LIN52: variants seen among roughly 807,000 people sequenced by gnomAD.
LIN52 encodes protein lin-52 homolog.
Under a neutral mutation model 18.5 loss-of-function variants are expected in LIN52, and 4 were observed. The observed-to-expected ratio is 0.22, with a 90% CI of 0.11 to 0.49. The LOEUF is 0.49. Among genes scored for constraint, LIN52 ranks in the 20% least tolerant of loss-of-function variants. The pLI is 0.97. For missense variants in LIN52, 102 were observed against 139.5 expected, an observed-to-expected ratio of 0.73 and a Z score of 1.35; for synonymous variants, 34 against 45.5, an observed-to-expected ratio of 0.75 and a Z score of 1.02.
chr14:74,177,576 C>A (rs769586998), intron 5 of LIN52, among the ~76,000 whole-genome samples: 24 of 152,170 alleles, frequency 1.6e-4, no homozygotes, highest in Non-Finnish European at 2.9e-4. Flanking sequence ...TAAGCAAAAA[C>A]ACAGCCCTTT....
At chr14:74,152,901 A>G (rs138419496) in intron 5 of LIN52, among the ~76,000 whole-genome samples, 2,014 of 146,098 alleles carry the variant, frequency 0.014, 39 homozygotes, top group African/African-American at 0.049. Flanking sequence ...CAGAGGTTGC[A>G]GTGAGCTGAG....
At chr14:74,143,204 G>A (rs1277252750) in intron 5 of LIN52, among the ~76,000 whole-genome samples, 1 of 151,982 alleles carries the variant, frequency 6.6e-6, no homozygotes, top group Non-Finnish European at 1.5e-5. Context: ...TTCTTATTTT[G>A]TACACTATTT....
At chr14:74,092,780 G>C (rs1022290502) in intron 2 of LIN52, among the ~76,000 whole-genome samples, 2 of 151,588 alleles carry the variant, frequency 1.3e-5, no homozygotes, top group Non-Finnish European at 2.9e-5. Flanking sequence ...AACTGGCCGT[G>C]GTGGTGCACA....
chr14:74,102,854 G>A (rs960039635), intron 5 of LIN52, among the ~76,000 whole-genome samples: 1 of 152,158 alleles, frequency 6.6e-6, no homozygotes, highest in African/African-American at 2.4e-5. Flanking sequence ...ACTGAGAAAG[G>A]TAATGAAGTA....
At chr14:74,088,356 G>T (rs1056699772) in intron 1 of LIN52, among the ~76,000 whole-genome samples, 7 of 152,106 alleles carry the variant, frequency 4.6e-5, no homozygotes, top group Non-Finnish European at 7.4e-5. Flanking sequence ...CTCCCAAAGT[G>T]CTAGGATTAC....
chr14:74,162,939 T>C (rs971264325), intron 5 of LIN52, among the ~76,000 whole-genome samples: 1 of 152,200 alleles, frequency 6.6e-6, no homozygotes, highest in Non-Finnish European at 1.5e-5. Context: ...CTTCTGTATA[T>C]TACAGAATAG....
intron 5 of LIN52, among the ~76,000 whole-genome samples, chr14:74,129,923 C>CT (rs1270442977): frequency 6.6e-6 from 1 of 152,126 alleles, no homozygotes; most frequent in Non-Finnish European, 1.5e-5. Flanking sequence ...CTTACAGTTC[C>CT]ACATAGCTGG....
At chr14:74,188,433 G>C (rs1033584664) in intron 5 of LIN52, among the ~76,000 whole-genome samples, 2 of 151,834 alleles carry the variant, frequency 1.3e-5, no homozygotes, top group African/African-American at 4.9e-5. Context: ...TCATGAGGAA[G>C]ATTTGTATTT....
chr14:74,109,361 A>G (rs1466129261), intron 5 of LIN52, among the ~76,000 whole-genome samples: 2 of 152,210 alleles, frequency 1.3e-5, no homozygotes, highest in Admixed American at 1.3e-4. Context: ...ATGTGCACCC[A>G]TAGTCTCACC....
intron 3 of LIN52, 66 bp from the exon 4 acceptor site, chr14:74,097,728 T>C: frequency 1.6e-6 from 2 of 1,222,232 alleles, no homozygotes; most frequent in African/African-American, 1.5e-5. Flanking sequence ...GCTACACTTC[T>C]TATAAGAATA....
chr14:74,170,892 A>T (rs2061267210), intron 5 of LIN52, among the ~76,000 whole-genome samples: 1 of 151,542 alleles, frequency 6.6e-6, no homozygotes, highest in Non-Finnish European at 1.5e-5. Context: ...TTTTTAAGAC[A>T]TAAATGATCC....
chr14:74,181,613 T>C (rs2061319183), intron 5 of LIN52, among the ~76,000 whole-genome samples: 1 of 151,082 alleles, frequency 6.6e-6, no homozygotes. Context: ...TTACTATATG[T>C]TAACCATAAG....
chr14:74,186,119 T>G (rs1221430957), intron 5 of LIN52, among the ~76,000 whole-genome samples: 1 of 151,908 alleles, frequency 6.6e-6, no homozygotes, highest in Non-Finnish European at 1.5e-5. Flanking sequence ...TGAAACCCCA[T>G]CTCTACGAAA....
chr14:74,174,969 C>T (rs1488648056), intron 5 of LIN52, among the ~76,000 whole-genome samples: 1 of 150,956 alleles, frequency 6.6e-6, no homozygotes, highest in East Asian at 1.9e-4. Flanking sequence ...GAGCCATGAT[C>T]ACACCACTGC....
intron 5 of LIN52, among the ~76,000 whole-genome samples, chr14:74,166,062 T>A (rs952081794): frequency 3.5e-4 from 52 of 150,408 alleles, no homozygotes; most frequent in African/African-American, 1.3e-3. Flanking sequence ...CGGCTAATTT[T>A]GTATTTTTAC....
chr14:74,086,131 T>G (rs181541069), intron 1 of LIN52, among the ~76,000 whole-genome samples: 243 of 152,312 alleles, frequency 1.6e-3, no homozygotes, highest in African/African-American at 5.6e-3. Flanking sequence ...ATCTTCCTTG[T>G]CAGCATAGTT....
At chr14:74,186,610 G>A (rs913134192) in intron 5 of LIN52, among the ~76,000 whole-genome samples, 1 of 152,104 alleles carries the variant, frequency 6.6e-6, no homozygotes, top group Admixed American at 6.6e-5. Context: ...TCTCCAGGCT[G>A]GGCAACAGAG....
chr14:74,124,766 G>T (rs2061018611), intron 5 of LIN52, among the ~76,000 whole-genome samples: 1 of 134,930 alleles, frequency 7.4e-6, no homozygotes, highest in Non-Finnish European at 1.5e-5. Context: ...AGCCAAGATT[G>T]CACCACTGCA....
chr14:74,159,934 C>T (rs2061217199), intron 5 of LIN52, among the ~76,000 whole-genome samples: 1 of 152,116 alleles, frequency 6.6e-6, no homozygotes, highest in East Asian at 1.9e-4. Flanking sequence ...TCAACTTTGG[C>T]ACCATTATGA....
Sources: gnomAD v4.1 joint callset for allele counts (sites outside exome capture counted in the v4.1 genomes callset) on GRCh38, gnomAD v4.1.1 for gene constraint, MANE v1.5 for transcripts, NCBI Gene and HGNC (gene_info 2026-07-23, HGNC 2026-07-21) for gene names.